Variants in SPEN observed in about 807,000 individuals in gnomAD.
The protein encoded by SPEN is spen family transcriptional repressor.
Under a neutral mutation model 269.9 loss-of-function variants are expected in SPEN, and 18 were observed. The observed-to-expected ratio is 0.07, with a 90% CI of 0.05 to 0.10. The LOEUF is 0.10. Ranked by LOEUF, SPEN falls within the 10% of genes least tolerant of loss-of-function variation. The pLI is 1.00. For missense variants in SPEN, 3,822 were observed against 4,631.2 expected, an observed-to-expected ratio of 0.83 and a Z score of 5.07; for synonymous variants, 1,726 against 1,765.7, an observed-to-expected ratio of 0.98 and a Z score of 0.56.
Position 15,923,971 on chromosome 1 carries a change from C to G in SPEN, c.1850+1622C>G, listed in dbSNP as rs184534432. On this transcript the variant is annotated intron_variant, in intron 10 of 14. Transcript: ENST00000375759. ...GCGTGAGCCACCGCACCCGGCCTAC[C>G]TGGTGTTTTTAAATGAAAAATGCTC... 7.0e-3 allele frequency among the ~76,000 whole-genome samples: 1,058 copies of G among 152,162 alleles called. 12 individuals are homozygous for G. Among genetic ancestry groups the G allele is most frequent in the African/African-American group, 0.024 (998 of 41,526 alleles).
At chr1:15,860,495 T>C (rs2070436020) in intron 1 of SPEN, among the ~76,000 whole-genome samples, 2 of 149,192 alleles carry the variant, frequency 1.3e-5, no homozygotes. Flanking sequence ...TCCCACTGTA[T>C]TGCCCAGGAT....
intron 3 of SPEN, 120 bp downstream of exon 3, chr1:15,876,798 G>T: frequency 1.3e-6 from 1 of 797,452 alleles, no homozygotes; most frequent in Non-Finnish European, 2.1e-6. Flanking sequence ...ATATATGTAT[G>T]TAATCAGTAA....
Position 15,932,092 on chromosome 1 carries a change from G to A in SPEN, c.5852G>A (p.Gly1951Glu). The A allele has an allele frequency of 6.2e-7, 1 of 1,614,034 alleles. No individual in the cohort carries two copies. The highest frequency in any genetic ancestry group is 8.5e-7 in the Non-Finnish European group (1 of 1,180,038). Residue 1951 changes from glycine (G) to glutamate (E), a missense_variant, in exon 11 of 15, where the codon GGA becomes GAA. Around this residue, in one of 16 missense-constraint regions of SPEN, gnomAD observed 533 missense variants for 618.8 expected, o/e 0.86. Transcript: ENST00000375759. This position sits in a 1 kb window ranked among gnomAD's most constrained non-coding sequence, Gnocchi z 4.2. Reference sequence around the variant, plus strand: ...GCGGTTCCCACCACCCCTCGGAGGGGAAGGCCTCCAAAGACACGCCGGCGA... The same window carrying A: ...GCGGTTCCCACCACCCCTCGGAGGGAAAGGCCTCCAAAGACACGCCGGCGA... ...AAAVPTTPRR[G>E]RPPKTRRRAD...
At chr1:15,911,063 T>G in intron 4 of SPEN, 38 bp from the exon 5 acceptor site, 1 of 1,503,292 alleles carries the variant, frequency 6.7e-7, no homozygotes, top group South Asian at 1.2e-5. Context: ...ATAATTAAAT[T>G]AGAAGAATTA....
intron 3 of SPEN, among the ~76,000 whole-genome samples, chr1:15,904,199 C>T (rs569094445): frequency 4.0e-4 from 61 of 152,058 alleles, no homozygotes; most frequent in Non-Finnish European, 6.8e-4. Flanking sequence ...AACTCGAGGC[C>T]GAGCGCGGTG....
chr1:15,928,797 A>G lies in SPEN; in HGVS notation c.2557A>G (p.Ser853Gly), dbSNP rs2071193467. The G allele has an allele frequency of 6.2e-7, 1 of 1,614,170 alleles. No individual in the cohort carries two copies. The highest frequency in any genetic ancestry group is 2.2e-5 in the East Asian group (1 of 44,872). ...AGAGCAAAGCCCTGAAAAGCCCAGGAGTTGTAATAAACTGAGCAGAGAGAA... is the reference window on the plus strand; with the variant it reads ...AGAGCAAAGCCCTGAAAAGCCCAGGGGTTGTAATAAACTGAGCAGAGAGAA... ...EREQSPEKPR[S>G]CNKLSREKAD... The change falls in exon 11 of 15, where the codon AGT (serine) becomes GGT (glycine). Residue 853 changes from serine to glycine, a missense_variant. Ser to Gly is a moderately conservative substitution (Grantham distance 56, BLOSUM62 0). Coordinates refer to ENST00000375759, the MANE Select transcript of SPEN (RefSeq NM_015001.3). This position sits in a 1 kb window ranked among gnomAD's most constrained non-coding sequence, Gnocchi z 5.7.
chr1:15,849,838 T>C (rs2070315539), intron 1 of SPEN, among the ~76,000 whole-genome samples: 1 of 152,132 alleles, frequency 6.6e-6, no homozygotes, highest in African/African-American at 2.4e-5. Flanking sequence ...TTAGATGTGC[T>C]CACTTTAATC....
intron 3 of SPEN, among the ~76,000 whole-genome samples, chr1:15,882,552 A>G (rs746860953): frequency 3.9e-5 from 6 of 152,096 alleles, no homozygotes; most frequent in African/African-American, 7.2e-5. Flanking sequence ...CCCAGCTACT[A>G]TGGTGGCTGA....
rs150756182 is a variant in SPEN at position 15,909,347 on chromosome 1, A to G, written c.908A>G (p.Asp303Gly). 370 of 1,612,596 alleles carry G rather than the reference A, an allele frequency of 2.3e-4. No homozygotes were observed. In the African/African-American group the frequency reaches 4.3e-3, roughly 19 times the overall value. Residue 303 changes from aspartate to glycine, a missense_variant, in exon 4 of 15, where the codon GAT (aspartate) becomes GGT (glycine). Coordinates refer to ENST00000375759, the MANE Select transcript of SPEN (RefSeq NM_015001.3). ...DSSDSSSSSS[D>G]DSPARSVQSA... ...AGTGATTCCAGCAGTAGTTCAAGTG[A>G]TGATTCTCCAGCTCGATCAGTTCAG... is the stretch of plus-strand genomic sequence containing the variant.
chr1:15,931,364 C>T lies in SPEN; in HGVS notation c.5124C>T (p.Pro1708=), dbSNP rs780446013. ...EQVDLPPGAD[P]DKEAAMMPAG... ...TAGACCTGCCCCCAGGAGCAGACCC[C>T]GATAAAGAAGCTGCCATGATGCCTG... Residue 1708 remains proline (P), a synonymous_variant, in exon 11 of 15, where the codon CCC becomes CCT. Coordinates refer to ENST00000375759, the MANE Select transcript of SPEN (RefSeq NM_015001.3). This position sits in a 1 kb window ranked among gnomAD's most constrained non-coding sequence, Gnocchi z 4.8. The T allele has an allele frequency of 2.4e-5, 39 of 1,614,044 alleles. No individual in the cohort carries two copies. Among genetic ancestry groups the T allele is most frequent in the South Asian group, 4.4e-5 (4 of 91,088 alleles).
At chr1:15,895,678 CTTTTTTTT>C (rs746305617) in intron 3 of SPEN, among the ~76,000 whole-genome samples, 3 of 129,690 alleles carry the variant, frequency 2.3e-5, no homozygotes, top group Non-Finnish European at 3.3e-5. Context: ...TATACTTAAC[CTTTTTTTT>C]TTTTTTTTTT....
rs1416414333 is a variant in SPEN, at chr1:15,847,813, T to G, written c.-255T>G. On this transcript the variant is annotated 5_prime_UTR_variant, in exon 1 of 15. The change abolishes an upstream ATG in the 5' untranslated region. Coordinates refer to ENST00000375759, the MANE Select transcript of SPEN (RefSeq NM_015001.3). ...CCCCGCCCGCCCCTGCCCGGGCGCA[T>G]GCGCTGCCGGAGCGCGAGGGTCGGC... The G allele has an allele frequency of 8.8e-6, 2 of 226,692 alleles. No homozygotes were observed. The highest frequency in any genetic ancestry group is 1.7e-5 in the Non-Finnish European group (2 of 115,598). 14.0% of individuals were successfully genotyped at this position (226,692 alleles called of 1,614,324 possible).
intron 1 of SPEN, among the ~76,000 whole-genome samples, chr1:15,867,363 CTTTTAT>C: frequency 6.6e-6 from 1 of 152,114 alleles, no homozygotes; most frequent in East Asian, 1.9e-4. Flanking sequence ...GCCCTCCCCC[CTTTTAT>C]TTTTATTTTT....
At chr1:15,864,492 T>C (rs1250390718) in intron 1 of SPEN, among the ~76,000 whole-genome samples, 1 of 137,276 alleles carries the variant, frequency 7.3e-6, no homozygotes. Context: ...TTTTTTTTAA[T>C]ATTGTAAGCA....
intron 5 of SPEN, among the ~76,000 whole-genome samples, chr1:15,915,583 G>C (rs919485064): frequency 6.6e-6 from 1 of 152,032 alleles, no homozygotes; most frequent in African/African-American, 2.4e-5. Context: ...CACCCAGCCT[G>C]GAGTGCAGTG....
chr1:15,929,721 A>T lies in SPEN; in HGVS notation c.3481A>T (p.Ile1161Phe). Residue 1161 changes from isoleucine (I) to phenylalanine (F), a missense_variant, in exon 11 of 15, where the codon ATT becomes TTT. By Grantham distance (21) the Ile-to-Phe change is conservative. Coordinates refer to ENST00000375759, the MANE Select transcript of SPEN (RefSeq NM_015001.3). This position sits in a 1 kb window ranked among gnomAD's most constrained non-coding sequence, Gnocchi z 5.8. ...AGTAAATACTGAAGAAAAAATTGGC[A>T]TTGACATCGATCACACGCAGAGTTA... is the stretch of plus-strand genomic sequence containing the variant. ...HSVNTEEKIG[I>F]DIDHTQSYRK... The T allele has an allele frequency of 6.2e-7, 1 of 1,614,174 alleles. No individual in the cohort carries two copies. The highest frequency in any genetic ancestry group is 8.5e-7 in the Non-Finnish European group (1 of 1,179,984).
At position 15,937,537 on chromosome 1, in the gene SPEN, C is replaced by A; in HGVS notation, c.10401C>A (p.Thr3467=). The change falls in exon 12 of 15, where the codon ACC becomes ACA. Residue 3467 remains threonine (T), a synonymous_variant. Transcript: ENST00000375759. The surrounding 1 kb of genome is among the most constrained non-coding windows in gnomAD (Gnocchi z 5.7). ...TCCCAACAACCTCTGGCCCCAGCAC[C>A]CCACCAGGACTGGTTCTGCCACACA... ...LFVPTTSGPS[T]PPGLVLPHTE... 2 of 1,614,152 alleles carry A rather than the reference C, an allele frequency of 1.2e-6. No homozygotes were observed. The highest frequency in any genetic ancestry group is 1.7e-6 in the Non-Finnish European group (2 of 1,180,026).
At position 15,848,624 on chromosome 1, in the gene SPEN, G is replaced by A. The variant is rs1284113657; in HGVS notation, c.83+474G>A. 4.6e-5 allele frequency among the ~76,000 whole-genome samples: 7 copies of A among 152,206 alleles called. No homozygotes were observed. The highest frequency in any genetic ancestry group is 1.0e-4 in the Non-Finnish European group (7 of 68,030). The stretch of plus-strand genomic sequence containing the variant: ...CAATGTCTGACTTCGGGAGGGTTCC[G>A]TGCGAAGGGAAAGGCGGTGCGAAAA... On this transcript the variant is annotated intron_variant, in intron 1 of 14. Transcript: ENST00000375759. The surrounding 1 kb of genome is among the most constrained non-coding windows in gnomAD (Gnocchi z 5.1).
intron 3 of SPEN, among the ~76,000 whole-genome samples, chr1:15,880,642 G>A (rs1049701157): frequency 1.3e-5 from 2 of 151,678 alleles, no homozygotes; most frequent in Non-Finnish European, 2.9e-5. Flanking sequence ...TTTTAGTAGA[G>A]ACAGGGGTTT....
Sources: allele counts gnomAD v4.1 joint callset (sites outside exome capture counted in the v4.1 genomes callset), GRCh38; gene constraint gnomAD v4.1.1; regional missense constraint gnomAD v4.1.1; non-coding constraint Gnocchi (gnomAD v3.1); transcripts MANE v1.5; gene names NCBI Gene and HGNC (gene_info 2026-07-23, HGNC 2026-07-21).